The following CSMD3 variants were observed in gnomAD, a reference collection of about 807,000 sequenced individuals.
The protein encoded by CSMD3 is CUB and sushi domain-containing protein 3.
CSMD3 carries 177 observed loss-of-function variants against 435.2 expected under a neutral mutation model. That is an observed-to-expected ratio of 0.41 (90% confidence interval 0.36 to 0.46). CSMD3 has a LOEUF of 0.46. CSMD3 is among the 20% of genes least tolerant of loss of function. CSMD3 has a pLI of 0.34. For missense variants in CSMD3, 4,265 were observed against 4,504.6 expected (o/e 0.95, Z 1.52); for synonymous variants, 1,656 against 1,520.5 (o/e 1.09, Z -2.07).
Position 112,991,577 on chromosome 8 carries a change from A to T in CSMD3, c.1031-15429T>A, listed in dbSNP as rs112193959. Among the ~76,000 whole-genome samples, 1,252 of 151,948 alleles carry T rather than the reference A, an allele frequency of 8.2e-3. 30 individuals carry two copies. Among genetic ancestry groups the T allele is most frequent in the African/African-American group, 0.029 (1,185 of 41,496 alleles). On this transcript the variant is annotated intron_variant, in intron 6 of 70. Coordinates refer to ENST00000297405, the MANE Select transcript of CSMD3 (RefSeq NM_198123.2). ...TAAACAGTTTATGTACAGGTGAGTA[A>T]ATTCTAGAATTTAATTAAAATGAAA...
intron 3 of CSMD3, among the ~76,000 whole-genome samples, chr8:113,204,397 T>G (rs1265136701): frequency 1.3e-5 from 2 of 152,134 alleles, no homozygotes; most frequent in Non-Finnish European, 2.9e-5. Context: ...TGTTTTCTAT[T>G]TGAAATCATA....
chr8:113,097,493 G>T (rs951026373), intron 5 of CSMD3, among the ~76,000 whole-genome samples: 2 of 151,902 alleles, frequency 1.3e-5, no homozygotes, highest in East Asian at 3.9e-4. Context: ...CTTATATGTT[G>T]TTAAGTCTCA....
intron 11 of CSMD3, among the ~76,000 whole-genome samples, chr8:112,854,735 TA>T (rs1354418497): frequency 6.6e-6 from 1 of 152,176 alleles, no homozygotes; most frequent in Non-Finnish European, 1.5e-5. Flanking sequence ...TACAGAATCT[TA>T]AAACCCGAGT....
At chr8:112,913,651 C>T (rs1181533628) in intron 10 of CSMD3, among the ~76,000 whole-genome samples, 4 of 151,542 alleles carry the variant, frequency 2.6e-5, no homozygotes, top group African/African-American at 4.8e-5. Context: ...TTTCACTCAC[C>T]CCTCTCCCTC....
At chr8:112,276,409 C>A (rs914952697) in intron 59 of CSMD3, among the ~76,000 whole-genome samples, 3 of 152,214 alleles carry the variant, frequency 2.0e-5, no homozygotes, top group Non-Finnish European at 4.4e-5. Context: ...CTTCTCACAG[C>A]TCCACTAGGC....
chr8:113,137,500 TA>T (rs1215194658), intron 4 of CSMD3, among the ~76,000 whole-genome samples: 1 of 151,684 alleles, frequency 6.6e-6, no homozygotes, highest in Non-Finnish European at 1.5e-5. Flanking sequence ...GAGTAATTTA[TA>T]AAAATAGAAA....
chr8:113,127,006 C>G (rs1312378866), intron 4 of CSMD3, among the ~76,000 whole-genome samples: 1 of 151,972 alleles, frequency 6.6e-6, no homozygotes, highest in Non-Finnish European at 1.5e-5. Flanking sequence ...ATCATTTTCT[C>G]ACTTTCCCAC....
chr8:112,287,595 CA>C (rs1213850991), intron 57 of CSMD3, among the ~76,000 whole-genome samples: 2 of 151,908 alleles, frequency 1.3e-5, no homozygotes, highest in Non-Finnish European at 2.9e-5. Flanking sequence ...CTCATAAAAC[CA>C]AAATTTAAAA....
chr8:112,739,448 T>C (rs1022220497), intron 13 of CSMD3, among the ~76,000 whole-genome samples: 1 of 151,810 alleles, frequency 6.6e-6, no homozygotes, highest in Non-Finnish European at 1.5e-5. Context: ...TTTCCACAAA[T>C]AGTTTTTACT....
At chr8:112,856,382 A>G (rs970821203) in intron 11 of CSMD3, among the ~76,000 whole-genome samples, 9 of 151,942 alleles carry the variant, frequency 5.9e-5, no homozygotes, top group Admixed American at 1.3e-4. Flanking sequence ...AAATTATTCA[A>G]CCATATAATG....
intron 9 of CSMD3, among the ~76,000 whole-genome samples, chr8:112,927,817 G>A (rs1230269234): frequency 6.6e-6 from 1 of 151,998 alleles, no homozygotes; most frequent in Non-Finnish European, 1.5e-5. Context: ...GATACAAAGA[G>A]AATTCAATTC....
At chr8:113,093,051 T>A (rs1007983037) in intron 5 of CSMD3, among the ~76,000 whole-genome samples, 1 of 152,118 alleles carries the variant, frequency 6.6e-6, no homozygotes, top group African/African-American at 2.4e-5. Context: ...TATTTATACA[T>A]TTCACAAATG....
At chr8:112,448,726 G>A (rs532153846) in intron 32 of CSMD3, among the ~76,000 whole-genome samples, 2 of 142,300 alleles carry the variant, frequency 1.4e-5, no homozygotes, top group East Asian at 4.2e-4. Context: ...CAATCCATAT[G>A]AGTCAAATAC....
intron 22 of CSMD3, among the ~76,000 whole-genome samples, chr8:112,628,035 G>A (rs1834633142): frequency 1.3e-5 from 2 of 152,152 alleles, no homozygotes; most frequent in Admixed American, 1.3e-4. Flanking sequence ...AAGGATGTCT[G>A]TAAATTTGTT....
At chr8:113,032,781 G>A (rs1662251785) in intron 5 of CSMD3, among the ~76,000 whole-genome samples, 1 of 151,580 alleles carries the variant, frequency 6.6e-6, no homozygotes, top group African/African-American at 2.4e-5. Flanking sequence ...TCCAGGGCAT[G>A]TCAGAGAACT....
intron 38 of CSMD3, among the ~76,000 whole-genome samples, chr8:112,365,169 T>C (rs1433686528): frequency 6.6e-6 from 1 of 152,094 alleles, no homozygotes; most frequent in Non-Finnish European, 1.5e-5. Flanking sequence ...TTTTCCTATG[T>C]CTCCCAAAGT....
At chr8:112,271,716 T>C (rs899930485) in intron 59 of CSMD3, among the ~76,000 whole-genome samples, 1 of 152,198 alleles carries the variant, frequency 6.6e-6, no homozygotes, top group African/African-American at 2.4e-5. Context: ...ATAATTGAGA[T>C]AATTATGTAA....
intron 52 of CSMD3, among the ~76,000 whole-genome samples, chr8:112,303,281 C>T (rs1027606020): frequency 2.0e-5 from 3 of 152,138 alleles, no homozygotes; most frequent in African/African-American, 4.8e-5. Context: ...ACAGGCTGTG[C>T]GCAGTGGCTC....
chr8:112,966,486 A>T (rs6469445), intron 7 of CSMD3, among the ~76,000 whole-genome samples: 64,081 of 149,684 alleles, frequency 0.43, 14,407 homozygotes, highest in East Asian at 0.78. Flanking sequence ...TTTCATTTTT[A>T]AAAATTTTTT....
Sources: gnomAD v4.1 joint callset for allele counts (sites outside exome capture counted in the v4.1 genomes callset) on GRCh38, gnomAD v4.1.1 for gene constraint, MANE v1.5 for transcripts, NCBI Gene and HGNC (gene_info 2026-07-23, HGNC 2026-07-21) for gene names.